Variants in LOC400499 observed in about 807,000 individuals in gnomAD.
chr16:11,516,672 A>T, the LOC400499 span, among the ~76,000 whole-genome samples: 1 of 152,150 alleles, frequency 6.6e-6, no homozygotes, highest in Non-Finnish European at 1.5e-5. Flanking sequence ...ACTTGGGAAT[A>T]TTGCCTTTTT....
At chr16:11,391,858 G>A in the LOC400499 span, 16 of 1,223,856 alleles carry the variant, frequency 1.3e-5, no homozygotes, top group Admixed American at 6.8e-4. Flanking sequence ...CCTGCCGGCT[G>A]CACCTGGACA....
chr16:11,465,171 G>C, the LOC400499 span: 1 of 152,212 alleles, frequency 6.6e-6, no homozygotes, highest in Non-Finnish European at 1.5e-5. Flanking sequence ...TTTGTACCCT[G>C]GCTGGAATGC....
At chr16:11,502,817 T>C in the LOC400499 span, among the ~76,000 whole-genome samples, 9 of 151,616 alleles carry the variant, frequency 5.9e-5, no homozygotes, top group Admixed American at 2.0e-4. Context: ...GGTTTCACCA[T>C]GTTAGCCAGG....
the LOC400499 span, chr16:11,448,841 C>T: frequency 4.1e-5 from 51 of 1,230,474 alleles, no homozygotes; most frequent in East Asian, 1.9e-4. Context: ...CTTTTCCATC[C>T]GAAGCAGGGA....
chr16:11,390,455 C>G, the LOC400499 span: 6 of 1,244,140 alleles, frequency 4.8e-6, no homozygotes, highest in Admixed American at 8.1e-5. Context: ...TTCAGTGTGG[C>G]CAGGGGCCCT....
At chr16:11,455,741 G>GAAAAAAAAAA in the LOC400499 span, among the ~76,000 whole-genome samples, 1 of 131,654 alleles carries the variant, frequency 7.6e-6, no homozygotes, top group African/African-American at 2.9e-5. Flanking sequence ...TCTCAAAAAA[G>GAAAAAAAAAA]AAAAAAAAAA....
At chr16:11,372,294 G>C in the LOC400499 span, 1 of 152,228 alleles carries the variant, frequency 6.6e-6, no homozygotes, top group Non-Finnish European at 1.5e-5. Context: ...ATCAGGCAGG[G>C]AAAGCCAGTA....
At chr16:11,497,314 G>A in the LOC400499 span, among the ~76,000 whole-genome samples, 1 of 152,190 alleles carries the variant, frequency 6.6e-6, no homozygotes, top group Non-Finnish European at 1.5e-5. Context: ...TGTGGAGCCT[G>A]GAAAAAGCAC....
the LOC400499 span, chr16:11,411,418 C>CGA: frequency 3.5e-5 from 14 of 398,214 alleles, no homozygotes; most frequent in Non-Finnish European, 6.2e-5. Context: ...GGGACTTCCC[C>CGA]GAGAGAGAGT....
the LOC400499 span, among the ~76,000 whole-genome samples, chr16:11,437,157 G>A: frequency 6.6e-6 from 1 of 152,206 alleles, no homozygotes; most frequent in Non-Finnish European, 1.5e-5. Flanking sequence ...AGGGGGTGGA[G>A]TGTAGGAGGA....
the LOC400499 span, among the ~76,000 whole-genome samples, chr16:11,468,115 C>A: frequency 1.5e-5 from 2 of 133,706 alleles, no homozygotes; most frequent in Non-Finnish European, 3.4e-5. Context: ...AAACAAAAAA[C>A]AACAATAACA....
chr16:11,435,903 A>C, the LOC400499 span: 1 of 399,156 alleles, frequency 2.5e-6, no homozygotes, highest in Admixed American at 4.4e-5. Context: ...GGGGAGGGAC[A>C]GGAAGGGTCT....
At chr16:11,385,604 G>A in the LOC400499 span, among the ~76,000 whole-genome samples, 2 of 152,232 alleles carry the variant, frequency 1.3e-5, no homozygotes, top group African/African-American at 4.8e-5. Context: ...AAGATGACAT[G>A]AGCTGAAGGT....
chr16:11,444,517 C>G, the LOC400499 span, among the ~76,000 whole-genome samples: 1 of 152,338 alleles, frequency 6.6e-6, no homozygotes, highest in East Asian at 1.9e-4. Context: ...ACGTATTATT[C>G]ACGGTGCTCT....
At chr16:11,527,444 A>C in the LOC400499 span, among the ~76,000 whole-genome samples, 1 of 152,314 alleles carries the variant, frequency 6.6e-6, no homozygotes, top group South Asian at 2.1e-4. Flanking sequence ...GGGAAAAAAA[A>C]GGAGCTTGAC....
the LOC400499 span, chr16:11,391,802 C>T: frequency 3.2e-5 from 39 of 1,232,086 alleles, no homozygotes; most frequent in South Asian, 1.6e-4. Flanking sequence ...CCTCCCGCCC[C>T]GCCTGGGACA....
chr16:11,496,565 C>A, the LOC400499 span, among the ~76,000 whole-genome samples: 1 of 152,042 alleles, frequency 6.6e-6, no homozygotes, highest in Non-Finnish European at 1.5e-5. Flanking sequence ...ACTCGAGTAC[C>A]CTAGTATGCG....
the LOC400499 span, among the ~76,000 whole-genome samples, chr16:11,468,570 C>G: frequency 6.6e-6 from 1 of 152,176 alleles, no homozygotes; most frequent in African/African-American, 2.4e-5. Context: ...AAGTGATCCT[C>G]CCAACTTGGC....
chr16:11,416,829 C>T, the LOC400499 span, among the ~76,000 whole-genome samples: 6 of 151,826 alleles, frequency 4.0e-5, no homozygotes, highest in African/African-American at 7.3e-5. Context: ...GCAAGCCTGG[C>T]GTGTTGAAGA....
Sources: gnomAD v4.1 joint callset for allele counts (sites outside exome capture counted in the v4.1 genomes callset) on GRCh38, gnomAD v4.1.1 for gene constraint, MANE v1.5 for transcripts.